The following CACNG2 variants were observed in gnomAD, a reference collection of about 807,000 sequenced individuals.
CACNG2 encodes voltage-dependent calcium channel gamma-2 subunit.
CACNG2 carries 3 observed loss-of-function variants against 25.9 expected under a neutral mutation model. The ratio of observed to expected loss-of-function variants is 0.12; its 90% CI spans 0.05 to 0.30. The LOEUF is 0.30. Among genes scored for constraint, CACNG2 ranks in the 10% least tolerant of loss-of-function variants. The pLI, the probability that CACNG2 is intolerant of heterozygous loss-of-function variation, is 1.00. For synonymous variants in CACNG2, 167 were observed against 173.3 expected (o/e 0.96, Z 0.29); for missense variants, 341 against 432.5 (o/e 0.79, Z 1.88).
At chr22:36,699,254 C>T (rs1937380608) in intron 1 of CACNG2, among the ~76,000 whole-genome samples, 3 of 151,628 alleles carry the variant, frequency 2.0e-5, no homozygotes, top group Admixed American at 1.3e-4. Context: ...CACACACACA[C>T]ACACACACAC....
intron 1 of CACNG2, among the ~76,000 whole-genome samples, chr22:36,592,961 C>T (rs1015621495): frequency 6.6e-6 from 1 of 152,158 alleles, no homozygotes; most frequent in Non-Finnish European, 1.5e-5. Context: ...CCCAGTCCCA[C>T]CAGTCAGGAC....
intron 1 of CACNG2, among the ~76,000 whole-genome samples, chr22:36,687,733 G>A (rs1030823601): frequency 1.3e-5 from 2 of 152,332 alleles, no homozygotes; most frequent in Admixed American, 6.5e-5. Context: ...GGGTGGGCAC[G>A]TGGTAATCCC....
intron 2 of CACNG2, among the ~76,000 whole-genome samples, chr22:36,578,543 A>G (rs1935362996): frequency 6.6e-6 from 1 of 152,060 alleles, no homozygotes; most frequent in South Asian, 2.1e-4. Flanking sequence ...CACCCCTTGA[A>G]TTCAGGCCCT....
chr22:36,657,292 C>T (rs1936721217), intron 1 of CACNG2, among the ~76,000 whole-genome samples: 1 of 152,190 alleles, frequency 6.6e-6, no homozygotes, highest in Non-Finnish European at 1.5e-5. Context: ...CTCAGGCATC[C>T]AAGGAGTGAG....
At chr22:36,678,437 ACTCT>A (rs796773637) in intron 1 of CACNG2, among the ~76,000 whole-genome samples, 7 of 151,336 alleles carry the variant, frequency 4.6e-5, no homozygotes, top group Admixed American at 1.3e-4. Flanking sequence ...GGATCAGCCC[ACTCT>A]CTCTATTACC....
chr22:36,660,438 C>T (rs979212968), intron 1 of CACNG2, among the ~76,000 whole-genome samples: 5 of 152,242 alleles, frequency 3.3e-5, no homozygotes, highest in Admixed American at 6.5e-5. Context: ...ATGCTGCTTT[C>T]GATTGCTGGT....
chr22:36,671,996 A>G (rs187656505), intron 1 of CACNG2, among the ~76,000 whole-genome samples: 37 of 152,304 alleles, frequency 2.4e-4, no homozygotes, highest in Non-Finnish European at 4.3e-4. Context: ...GCAAAAGGCA[A>G]TAAAGAAAGG....
intron 1 of CACNG2, among the ~76,000 whole-genome samples, chr22:36,690,898 T>A (rs1937260324): frequency 6.6e-6 from 1 of 152,246 alleles, no homozygotes; most frequent in African/African-American, 2.4e-5. Flanking sequence ...CATTGAGCAA[T>A]CTCACCGTAT....
At chr22:36,671,120 T>C (rs1273293486) in intron 1 of CACNG2, among the ~76,000 whole-genome samples, 2 of 152,116 alleles carry the variant, frequency 1.3e-5, no homozygotes, top group Non-Finnish European at 2.9e-5. Flanking sequence ...GTTTTCACCA[T>C]GTTGGCCAGG....
Position 36,564,672 on chromosome 22 carries a change from G to A in CACNG2, c.651C>T (p.Tyr217=), listed in dbSNP as rs781121207. 1.9e-6 allele frequency: 3 copies of A among 1,613,982 alleles called. No individual in the cohort carries two copies. The highest frequency in any genetic ancestry group is 2.5e-6 in the Non-Finnish European group (3 of 1,180,024). ...QLRATARATD[Y]LQASAITRIP... ...TGCGGGTGATGGCAGAGGCCTGGAGGTAGTCCGTGGCGCGGGCCGTGGCCC... is the reference window on the plus strand; with the variant it reads ...TGCGGGTGATGGCAGAGGCCTGGAGATAGTCCGTGGCGCGGGCCGTGGCCC... The change falls in exon 4 of 4, where the codon TAC becomes TAT. Residue 217 remains tyrosine, a synonymous_variant. Transcript: ENST00000300105. This position sits in a 1 kb window ranked among gnomAD's most constrained non-coding sequence, Gnocchi z 6.7.
chr22:36,663,992 A>G (rs1936837898), intron 1 of CACNG2, among the ~76,000 whole-genome samples: 1 of 152,100 alleles, frequency 6.6e-6, no homozygotes, highest in African/African-American at 2.4e-5. Flanking sequence ...CACAACCAAT[A>G]ATGAGCACCT....
chr22:36,612,352 T>C (rs1248923863), intron 1 of CACNG2, among the ~76,000 whole-genome samples: 1 of 152,212 alleles, frequency 6.6e-6, no homozygotes, highest in African/African-American at 2.4e-5. Context: ...ATGTCAGCCA[T>C]TACTATATTA....
chr22:36,644,259 C>T (rs1216242975), intron 1 of CACNG2, among the ~76,000 whole-genome samples: 8 of 152,170 alleles, frequency 5.3e-5, no homozygotes, highest in Non-Finnish European at 8.8e-5. Flanking sequence ...CCTGAAAATC[C>T]TACACCTAAT....
At chr22:36,573,457 A>G (rs1238804856) in intron 2 of CACNG2, among the ~76,000 whole-genome samples, 2 of 152,054 alleles carry the variant, frequency 1.3e-5, no homozygotes, top group Non-Finnish European at 2.9e-5. Context: ...CAGCCTCCCA[A>G]GTAGCTTAGA....
intron 1 of CACNG2, among the ~76,000 whole-genome samples, chr22:36,626,125 G>A (rs1457289935): frequency 6.6e-6 from 1 of 152,134 alleles, no homozygotes; most frequent in Non-Finnish European, 1.5e-5. Context: ...TCACCATGTT[G>A]GCCAGGCTGG....
intron 1 of CACNG2, among the ~76,000 whole-genome samples, chr22:36,646,428 T>C (rs1192489323): frequency 6.6e-6 from 1 of 152,212 alleles, no homozygotes; most frequent in African/African-American, 2.4e-5. Context: ...AAAAGAACGC[T>C]ATCGTTGCTC....
chr22:36,646,439 C>T (rs954215940), intron 1 of CACNG2, among the ~76,000 whole-genome samples: 1 of 152,198 alleles, frequency 6.6e-6, no homozygotes, highest in African/African-American at 2.4e-5. Context: ...ATCGTTGCTC[C>T]TATCAGCAGC....
chr22:36,672,165 T>C (rs1936960778), intron 1 of CACNG2, among the ~76,000 whole-genome samples: 1 of 151,854 alleles, frequency 6.6e-6, no homozygotes, highest in African/African-American at 2.4e-5. Context: ...TTTTTTCTTT[T>C]TTTCTTTTTT....
At chr22:36,609,558 G>C (rs1415339186) in intron 1 of CACNG2, among the ~76,000 whole-genome samples, 11 of 136,728 alleles carry the variant, frequency 8.0e-5, no homozygotes, top group African/African-American at 2.8e-4. Context: ...GCGTGATTGG[G>C]CAGGAATCAG....
Sources: gnomAD v4.1 joint callset for allele counts (sites outside exome capture counted in the v4.1 genomes callset) on GRCh38, gnomAD v4.1.1 for gene constraint, Gnocchi (gnomAD v3.1) non-coding constraint, MANE v1.5 for transcripts, NCBI Gene and HGNC (gene_info 2026-07-23, HGNC 2026-07-21) for gene names.